Variants in AKAP1 observed in about 807,000 individuals in gnomAD.
The protein encoded by AKAP1 is A-kinase anchoring protein 1.
In AKAP1, 32 loss-of-function variants were observed where a neutral mutation model predicts 79.8. That is an observed-to-expected ratio of 0.40 (90% CI 0.30 to 0.54). The LOEUF is 0.54. AKAP1 is among the 20% of genes least tolerant of loss of function. The pLI, the probability that AKAP1 is intolerant of heterozygous loss-of-function variation, is 0.47. For missense variants in AKAP1, 961 were observed against 1,138.9 expected (o/e 0.84, Z 2.25); for synonymous variants, 416 against 466.7 (o/e 0.89, Z 1.40).
At chr17:57,091,489 G>A (rs1194208524) in intron 1 of AKAP1, among the ~76,000 whole-genome samples, 1 of 151,744 alleles carries the variant, frequency 6.6e-6, no homozygotes, top group Non-Finnish European at 1.5e-5. Flanking sequence ...GGTCTCCAGG[G>A]CTGCCTTTTC....
intron 1 of AKAP1, among the ~76,000 whole-genome samples, chr17:57,090,326 C>CTAAG (rs66981076): frequency 1.1e-3 from 3 of 2,742 alleles, no homozygotes; most frequent in Admixed American, 9.4e-3. Flanking sequence ...TTTTTTTTTT[C>CTAAG]TGTGTCATTT....
chr17:57,100,731 A>T (rs890937438), intron 1 of AKAP1, among the ~76,000 whole-genome samples: 2 of 152,198 alleles, frequency 1.3e-5, no homozygotes, highest in Admixed American at 1.3e-4. Context: ...GAATCTTTTG[A>T]CAGCAGGCCA....
chr17:57,100,723 A>T (rs1329297422), intron 1 of AKAP1, among the ~76,000 whole-genome samples: 1 of 152,198 alleles, frequency 6.6e-6, no homozygotes, highest in Non-Finnish European at 1.5e-5. Context: ...TAGGATTTGA[A>T]TCTTTTGACA....
At chr17:57,094,428 C>T (rs1036878888) in intron 1 of AKAP1, 2 of 152,140 alleles carry the variant, frequency 1.3e-5, no homozygotes, top group Admixed American at 6.6e-5. Flanking sequence ...GGGACAGGCA[C>T]CTTTGAAGGC....
At chr17:57,091,628 T>G (rs1198090318) in intron 1 of AKAP1, among the ~76,000 whole-genome samples, 1 of 152,248 alleles carries the variant, frequency 6.6e-6, no homozygotes, top group South Asian at 2.1e-4. Flanking sequence ...GAGGACCCCT[T>G]GTTGCCCCAG....
In AKAP1 at chr17:57,118,472, G is replaced by T; in HGVS notation, c.2574+18G>T. On this transcript the variant is annotated intron_variant, in intron 9 of 10. Coordinates refer to ENST00000337714, the MANE Select transcript of AKAP1 (RefSeq NM_003488.4). The stretch of plus-strand genomic sequence containing the variant: ...TTGCTCAGGTGTGTGGTTGGCAGGG[G>T]TGGGGGAGGCAGGCTGGCTGGGTTC... 2 of 1,613,530 alleles carry T rather than the reference G, an allele frequency of 1.2e-6. No individual in the cohort carries two copies. The highest frequency in any genetic ancestry group is 1.7e-6 in the Non-Finnish European group (2 of 1,179,534).
At chr17:57,097,805 G>A (rs936651311) in intron 1 of AKAP1, among the ~76,000 whole-genome samples, 1 of 152,224 alleles carries the variant, frequency 6.6e-6, no homozygotes, top group African/African-American at 2.4e-5. Flanking sequence ...CATTCAGAAC[G>A]CAAAGTGGAT....
chr17:57,091,584 G>A (rs1341785897), intron 1 of AKAP1, among the ~76,000 whole-genome samples: 1 of 152,152 alleles, frequency 6.6e-6, no homozygotes, highest in African/African-American at 2.4e-5. Flanking sequence ...CTGGGGAGCT[G>A]GGGAGCTAGG....
chr17:57,107,124 G>C lies in AKAP1; in HGVS notation c.1660G>C (p.Asp554His), dbSNP rs748291239. Residue 554 changes from aspartate (D) to histidine (H), a missense_variant, in exon 2 of 11, where the codon GAC (aspartate) becomes CAC (histidine). Transcript: ENST00000337714. Reference sequence around the variant, plus strand: ...TGGGGTGCTGAAGGGGGAGTTGTCAGACTTGGGGGCTGAGGATGGATGGAC... The same window carrying C: ...TGGGGTGCTGAAGGGGGAGTTGTCACACTTGGGGGCTGAGGATGGATGGAC... ...SNGVLKGELS[D>H]LGAEDGWTMD... 1 of 1,613,986 alleles carries C rather than the reference G, an allele frequency of 6.2e-7. No homozygotes were observed. The highest frequency in any genetic ancestry group is 8.5e-7 in the Non-Finnish European group (1 of 1,179,876).
At position 57,106,173 on chromosome 17, in the gene AKAP1, G is replaced by A. The variant is rs1914847000; in HGVS notation, c.709G>A (p.Ala237Thr). 1 of 1,613,900 alleles carries A rather than the reference G, an allele frequency of 6.2e-7. No individual in the cohort carries two copies. The highest frequency in any genetic ancestry group is 8.5e-7 in the Non-Finnish European group (1 of 1,179,852). Reference protein sequence around the residue: ...ELENSKGPSLASLEGEEDKGK... With the variant: ...ELENSKGPSLTSLEGEEDKGK... ...GGAGAACAGCAAGGGCCCCAGCCTG[G>A]CCTCTTTAGAGGGGGAAGAAGATAA... Residue 237 changes from alanine (A) to threonine (T), a missense_variant, in exon 2 of 11, where the codon GCC becomes ACC. Physicochemically the swap from Ala to Thr is moderately conservative, Grantham distance 58. Coordinates refer to ENST00000337714, the MANE Select transcript of AKAP1 (RefSeq NM_003488.4).
At chr17:57,098,817 A>G (rs1426267722) in intron 1 of AKAP1, among the ~76,000 whole-genome samples, 3 of 143,346 alleles carry the variant, frequency 2.1e-5, no homozygotes, top group African/African-American at 2.6e-5. Context: ...GCTGGACTGC[A>G]GTGGTGCGAT....
intron 7 of AKAP1, 139 bp from the exon 8 acceptor site, chr17:57,116,721 C>T (rs535469553): frequency 4.0e-5 from 32 of 794,168 alleles, no homozygotes; most frequent in African/African-American, 6.7e-5. Flanking sequence ...TGCTGTGAGC[C>T]GTGGCCTCCT....
chr17:57,099,053 C>T (rs1351346998), intron 1 of AKAP1, among the ~76,000 whole-genome samples: 2 of 152,072 alleles, frequency 1.3e-5, no homozygotes, highest in Non-Finnish European at 2.9e-5. Flanking sequence ...GCGTGAGCCA[C>T]CGCACCTAGC....
chr17:57,099,230 C>A (rs1437894628), intron 1 of AKAP1, among the ~76,000 whole-genome samples: 1 of 152,118 alleles, frequency 6.6e-6, no homozygotes, highest in African/African-American at 2.4e-5. Context: ...GGCACAATTC[C>A]CTGGTAACAA....
At position 57,108,903 on chromosome 17, in the gene AKAP1, C is replaced by T. The variant is rs112573810; in HGVS notation, c.1715-1122C>T. On this transcript the variant is annotated intron_variant, in intron 2 of 10. Transcript: ENST00000337714. ...GAGTGAGCAGAGCTCCCCGCCCCCTCGCCCAGCCCCTGTCAGCCTGTTATG... is the reference window on the plus strand; with the variant it reads ...GAGTGAGCAGAGCTCCCCGCCCCCTTGCCCAGCCCCTGTCAGCCTGTTATG... Among the ~76,000 whole-genome samples the T allele has an allele frequency of 6.9e-3, 1,055 of 152,228 alleles. 7 individuals are homozygous for T. Among genetic ancestry groups the T allele is most frequent in the African/African-American group, 0.022 (898 of 41,482 alleles).
At position 57,106,056 on chromosome 17, in the gene AKAP1, G is replaced by A; in HGVS notation, c.592G>A (p.Glu198Lys). 1 of 1,611,144 alleles carries A rather than the reference G, an allele frequency of 6.2e-7. No individual in the cohort carries two copies. ...EKRSSGERAR[E>K]TGGAEGTGDA... ...GCGTAGCTCTGGGGAGAGGGCAAGA[G>A]AGACAGGTGGGGCCGAAGGGACTGG... Residue 198 changes from glutamate to lysine, a missense_variant, in exon 2 of 11, where the codon GAG becomes AAG. Physicochemically the swap from Glu to Lys is moderately conservative, Grantham distance 56 (BLOSUM62 1). Transcript: ENST00000337714.
chr17:57,088,230 TTTAACA>T (rs1249155182), intron 1 of AKAP1, among the ~76,000 whole-genome samples: 8 of 152,314 alleles, frequency 5.3e-5, no homozygotes, highest in South Asian at 2.1e-4. Context: ...TTTATGATCA[TTTAACA>T]TTAAGTTCCC....
At chr17:57,110,696 G>A (rs1377298810) in intron 3 of AKAP1, among the ~76,000 whole-genome samples, 3 of 152,208 alleles carry the variant, frequency 2.0e-5, no homozygotes, top group Non-Finnish European at 4.4e-5. Flanking sequence ...AAACAAAACT[G>A]AGATTATGTC....
At chr17:57,104,907 T>C (rs868311938) in intron 1 of AKAP1, among the ~76,000 whole-genome samples, 2 of 152,256 alleles carry the variant, frequency 1.3e-5, no homozygotes, top group Non-Finnish European at 2.9e-5. Context: ...CCTTAGCCAT[T>C]GGGAATTTTA....
Sources: allele counts gnomAD v4.1 joint callset (sites outside exome capture counted in the v4.1 genomes callset), GRCh38; gene constraint gnomAD v4.1.1; transcripts MANE v1.5; gene names NCBI Gene and HGNC (gene_info 2026-07-23, HGNC 2026-07-21).